Variants in RSRC2 observed in about 807,000 individuals in gnomAD.
RSRC2 encodes arginine and serine rich coiled-coil 2.
Under a neutral mutation model 61.3 loss-of-function variants are expected in RSRC2, and 5 were observed. That is an observed-to-expected ratio of 0.08 (90% confidence interval 0.04 to 0.17). The LOEUF (loss-of-function observed/expected upper bound fraction) is 0.17. RSRC2 is among the 10% of genes least tolerant of loss of function. The probability of loss-of-function intolerance (pLI) is 1.00; values close to 1 mark genes in which losing one functional copy is unlikely to be tolerated. For synonymous variants in RSRC2, 202 were observed against 166.5 expected, an observed-to-expected ratio of 1.21 and a Z score of -1.64; for missense variants, 381 against 518.8, an observed-to-expected ratio of 0.73 and a Z score of 2.58.
chr12:122,509,119 T>C (rs1034616209), intron 7 of RSRC2, among the ~76,000 whole-genome samples: 1 of 151,822 alleles, frequency 6.6e-6, no homozygotes, highest in African/African-American at 2.4e-5. Flanking sequence ...CTCATGGACA[T>C]TTCATTTGAT....
intron 3 of RSRC2, chr12:122,520,032 G>A (rs1959174676): frequency 6.5e-6 from 1 of 154,440 alleles, no homozygotes. Context: ...AAGCTACATG[G>A]GTGAGCTGAA....
intron 1 of RSRC2, among the ~76,000 whole-genome samples, chr12:122,524,171 G>C (rs536687454): frequency 6.6e-6 from 1 of 152,080 alleles, no homozygotes; most frequent in African/African-American, 2.4e-5. Context: ...CTGCATCTCC[G>C]TATCTTTACT....
intron 5 of RSRC2, 138 bp from the exon 6 acceptor site, chr12:122,515,365 G>C (rs763114851): frequency 1.2e-6 from 1 of 802,936 alleles, no homozygotes; most frequent in South Asian, 1.8e-5. Flanking sequence ...TAAAACATCA[G>C]TGTTACAGCT....
intron 7 of RSRC2, among the ~76,000 whole-genome samples, chr12:122,509,964 G>C (rs1262392405): frequency 6.6e-6 from 1 of 152,058 alleles, no homozygotes; most frequent in Non-Finnish European, 1.5e-5. Context: ...TGGGACTATA[G>C]GCACACACAA....
intron 7 of RSRC2, among the ~76,000 whole-genome samples, chr12:122,508,753 T>A (rs1958283720): frequency 6.6e-6 from 1 of 151,646 alleles, no homozygotes; most frequent in Admixed American, 6.6e-5. Flanking sequence ...GGTTGGGAGT[T>A]CGAGACCAGC....
At chr12:122,508,076 TA>T (rs1426249333) in intron 8 of RSRC2, 141 bp downstream of exon 8, 1 of 748,450 alleles carries the variant, frequency 1.3e-6, no homozygotes, top group East Asian at 2.7e-5. Context: ...GTGCTGGGAT[TA>T]AAGGCATAAG....
rs1009338378 is a variant in RSRC2 at position 122,504,576 on chromosome 12, C to G, written c.*951G>C. ...GGGGGGCAGAGGCTCTGGCAGTGAGCCGAGATTGTGCCACTGCACCCAGTT... is the reference window on the plus strand; with the variant it reads ...GGGGGGCAGAGGCTCTGGCAGTGAGGCGAGATTGTGCCACTGCACCCAGTT... On this transcript the variant is annotated 3_prime_UTR_variant, in exon 10 of 10. Transcript: ENST00000331738. 1 of 152,160 alleles carries G rather than the reference C, an allele frequency of 6.6e-6. No homozygotes were observed. The highest frequency in any genetic ancestry group is 2.4e-5 in the African/African-American group (1 of 41,396). 9.4% of individuals were successfully genotyped at this position (152,160 alleles called of 1,614,324 possible).
In RSRC2 at chr12:122,503,653, G is replaced by C. The variant is rs560706081; in HGVS notation, c.*1874C>G. The C allele has an allele frequency of 5.9e-5, 9 of 152,300 alleles. No homozygotes were observed. In the East Asian group the frequency reaches 1.7e-3, roughly 29 times the overall value. The allele number at this position is 152,300 out of a possible 1,614,324, so 9.4% of individuals were successfully genotyped here. A position where few individuals can be genotyped will look rare whatever the true frequency, so the allele number is the denominator to read the frequency against. On this transcript the variant is annotated 3_prime_UTR_variant, in exon 10 of 10. Coordinates refer to ENST00000331738, the MANE Select transcript of RSRC2 (RefSeq NM_023012.6). ...CAGAGCTTAATTGAAAAATGTTGATGATCACGAAATGAAGGATCCATAGTG... is the reference window on the plus strand; with the variant it reads ...CAGAGCTTAATTGAAAAATGTTGATCATCACGAAATGAAGGATCCATAGTG...
intron 3 of RSRC2, chr12:122,520,356 A>C (rs557774594): frequency 8.5e-5 from 37 of 434,140 alleles, no homozygotes; most frequent in African/African-American, 7.5e-4. Flanking sequence ...GAAAAGTCTT[A>C]AGTGGTTAAA....
At chr12:122,511,636 T>C (rs1433045646) in intron 6 of RSRC2, among the ~76,000 whole-genome samples, 2 of 152,190 alleles carry the variant, frequency 1.3e-5, no homozygotes, top group Non-Finnish European at 2.9e-5. Flanking sequence ...AAGTCTTCAA[T>C]TTAATAAAAA....
chr12:122,514,675 AT>A, intron 6 of RSRC2: 1 of 1,141,682 alleles, frequency 8.8e-7, no homozygotes, highest in Middle Eastern at 2.5e-4. Context: ...GTTAATTGCC[AT>A]CTTCAAAATA....
intron 9 of RSRC2, among the ~76,000 whole-genome samples, chr12:122,505,985 G>T (rs1281896935): frequency 1.3e-5 from 2 of 151,986 alleles, no homozygotes; most frequent in Non-Finnish European, 2.9e-5. Flanking sequence ...CACCACATTG[G>T]TCAGGCTGGT....
chr12:122,508,536 T>C (rs1165901753), intron 7 of RSRC2, 89 bp from the exon 8 acceptor site: 11 of 1,060,210 alleles, frequency 1.0e-5, no homozygotes, highest in Non-Finnish European at 1.5e-5. Flanking sequence ...TATAAAAAGC[T>C]ATGAATGTGC....
At chr12:122,524,517 A>G (rs1959765980) in intron 1 of RSRC2, among the ~76,000 whole-genome samples, 1 of 152,240 alleles carries the variant, frequency 6.6e-6, no homozygotes, top group Non-Finnish European at 1.5e-5. Context: ...TTTTCAGGCA[A>G]TGGTTTATCT....
At chr12:122,512,981 C>A (rs534359494) in intron 6 of RSRC2, among the ~76,000 whole-genome samples, 8 of 151,758 alleles carry the variant, frequency 5.3e-5, no homozygotes, top group Non-Finnish European at 8.8e-5. Context: ...CTGCTTGAGG[C>A]CAGCAGTTCG....
intron 5 of RSRC2, among the ~76,000 whole-genome samples, chr12:122,515,545 A>G (rs753396891): frequency 2.0e-5 from 3 of 152,196 alleles, no homozygotes; most frequent in Non-Finnish European, 4.4e-5. Context: ...TCTTTTGCAT[A>G]GTATATCCAA....
intron 1 of RSRC2, among the ~76,000 whole-genome samples, chr12:122,524,758 A>T (rs996964585): frequency 1.3e-5 from 2 of 152,254 alleles, no homozygotes; most frequent in Non-Finnish European, 2.9e-5. Flanking sequence ...ACAGGTATCC[A>T]GGAAAAAAAC....
chr12:122,517,923 G>A (rs75962554), intron 4 of RSRC2, among the ~76,000 whole-genome samples: 2,591 of 152,084 alleles, frequency 0.017, 70 homozygotes, highest in African/African-American at 0.051. Context: ...CATCACCATC[G>A]ATGATGCAAA....
intron 6 of RSRC2, among the ~76,000 whole-genome samples, chr12:122,513,237 AAATAAATAAAAT>A (rs1179810565): frequency 1.8e-5 from 1 of 54,314 alleles, no homozygotes; most frequent in African/African-American, 4.7e-5. Flanking sequence ...ATAAATAAAT[AAATAAATAAAAT>A]AAAATAAAAA....
Sources: allele counts gnomAD v4.1 joint callset (sites outside exome capture counted in the v4.1 genomes callset), GRCh38; gene constraint gnomAD v4.1.1; transcripts MANE v1.5; gene names NCBI Gene and HGNC (gene_info 2026-07-23, HGNC 2026-07-21).